MAML1: variants seen among roughly 807,000 people sequenced by gnomAD.
MAML1 encodes the protein mastermind-like protein 1.
MAML1 carries 14 observed loss-of-function variants against 77.1 expected under a neutral mutation model. The observed-to-expected ratio is 0.18, with a 90% CI of 0.12 to 0.28. The LOEUF (loss-of-function observed/expected upper bound fraction) is 0.28, where lower values mean the gene tolerates loss of function less well. MAML1 is among the 10% of genes least tolerant of loss of function. The probability of loss-of-function intolerance (pLI) is 1.00; values close to 1 mark genes in which losing one functional copy is unlikely to be tolerated. For missense variants in MAML1, 1,217 were observed against 1,327.8 expected (o/e 0.92, Z 1.30); for synonymous variants, 516 against 551.9 (o/e 0.93, Z 0.91).
Position 179,765,448 on chromosome 5 carries a change from G to A in MAML1, c.438G>A (p.Leu146=). ...GHKKTRREAP[L]GVAISSNGLP... is the part of the protein sequence containing the mutation. ...AGAAGACTCGCCGGGAGGCCCCTCT[G>A]GGAGTTGCCATCTCTTCCAATGGAC... The change falls in exon 2 of 5, where the codon CTG becomes CTA. Residue 146 remains leucine, a synonymous_variant. Coordinates refer to ENST00000292599, the MANE Select transcript of MAML1 (RefSeq NM_014757.5). The A allele has an allele frequency of 6.2e-7, 1 of 1,614,172 alleles. No homozygotes were observed. The highest frequency in any genetic ancestry group is 1.1e-5 in the South Asian group (1 of 91,090).
intron 1 of MAML1, among the ~76,000 whole-genome samples, chr5:179,758,388 TTTTTC>T (rs150290121): frequency 2.0e-5 from 3 of 148,400 alleles, no homozygotes; most frequent in African/African-American, 4.9e-5. Context: ...TTTTTTTTTC[TTTTTC>T]TTTTCTTTTT....
rs947596226 is a variant in MAML1, at chr5:179,771,980, A to G, written c.2068+737A>G. Among the ~76,000 whole-genome samples the G allele has an allele frequency of 1.3e-5, 2 of 152,228 alleles. No homozygotes were observed. The highest frequency in any genetic ancestry group is 4.8e-5 in the African/African-American group (2 of 41,456). ...TTTATGTATGTGCTACCTGGGGTCA[A>G]CGTGGGGTTGAAATCTGCAGGCATT... On this transcript the variant is annotated intron_variant, in intron 4 of 4. Transcript: ENST00000292599. The surrounding 1 kb of genome is among the most constrained non-coding windows in gnomAD (Gnocchi z 4.7).
At chr5:179,753,222 TGCGC>T (rs1171083663) in intron 1 of MAML1, among the ~76,000 whole-genome samples, 17 of 31,484 alleles carry the variant, frequency 5.4e-4, no homozygotes, top group South Asian at 3.7e-3. Flanking sequence ...TGTGTGTGTG[TGCGC>T]GCGCGCGCGC....
At chr5:179,763,935 G>A (rs976787986) in intron 1 of MAML1, among the ~76,000 whole-genome samples, 13 of 152,238 alleles carry the variant, frequency 8.5e-5, no homozygotes, top group Non-Finnish European at 1.3e-4. Context: ...GGACAAAAAC[G>A]TAATAAAGTA....
chr5:179,737,811 C>G (rs1156309678), intron 1 of MAML1, among the ~76,000 whole-genome samples: 1 of 152,158 alleles, frequency 6.6e-6, no homozygotes, highest in African/African-American at 2.4e-5. Context: ...GTTTTCATTT[C>G]TTTTCCTTTT....
chr5:179,758,912 A>G (rs758561297), intron 1 of MAML1, among the ~76,000 whole-genome samples: 4 of 151,992 alleles, frequency 2.6e-5, no homozygotes, highest in East Asian at 1.9e-4. Context: ...CTGAGGCAGG[A>G]GAATAGCTTG....
rs748087606 is a variant in MAML1, at chr5:179,766,080, A to G, written c.1070A>G (p.Asp357Gly). ...CACACCTCTGGTCAGCCCCGGGCGG[A>G]CAATCCCAGTCCAAACCTGATGCCG... The part of the protein sequence containing the change: ...LFHTSGQPRA[D>G]NPSPNLMPAS... The change falls in exon 2 of 5, where the codon GAC (aspartate) becomes GGC (glycine). Residue 357 changes from aspartate to glycine, a missense_variant. Transcript: ENST00000292599. This position sits in a 1 kb window ranked among gnomAD's most constrained non-coding sequence, Gnocchi z 4.0. The G allele has an allele frequency of 3.8e-6, 6 of 1,583,484 alleles. 1 individual carries two copies. The South Asian group carries it at 5.8e-5, about 15-fold the overall frequency.
At position 179,775,933 on chromosome 5, in the gene MAML1, T is replaced by C. The variant is rs756044829; in HGVS notation, c.*1056T>C. 1.0e-6 allele frequency: 1 copy of C among 985,732 alleles called. No homozygotes were observed. The highest frequency in any genetic ancestry group is 1.2e-6 in the Non-Finnish European group (1 of 829,938). The allele number at this position is 985,732 out of a possible 1,614,324, so 61.1% of individuals were successfully genotyped here. A position where few individuals can be genotyped will look rare whatever the true frequency, so the allele number is the denominator to read the frequency against. Reference sequence around the variant, plus strand: ...ATAAAGGTTTTGGGGAAGGAGGCCGTAGGCCGGCCCGGAGGAAGCAATTCC... The same window carrying C: ...ATAAAGGTTTTGGGGAAGGAGGCCGCAGGCCGGCCCGGAGGAAGCAATTCC... On this transcript the variant is annotated 3_prime_UTR_variant, in exon 5 of 5. Coordinates refer to ENST00000292599, the MANE Select transcript of MAML1 (RefSeq NM_014757.5).
Position 179,771,367 on chromosome 5 carries a change from C to T in MAML1, c.2068+124C>T. On this transcript the variant is annotated intron_variant, in intron 4 of 4. Transcript: ENST00000292599. The surrounding 1 kb of genome is among the most constrained non-coding windows in gnomAD (Gnocchi z 4.7). Reference sequence around the variant, plus strand: ...AGGCTGCATGCATTGTCATCATATACACCTCAGTTTGCCTAAGGGGCCTGG... The same window carrying T: ...AGGCTGCATGCATTGTCATCATATATACCTCAGTTTGCCTAAGGGGCCTGG... The T allele has an allele frequency of 1.2e-6, 1 of 803,178 alleles. No homozygotes were observed. Among genetic ancestry groups the T allele is most frequent in the South Asian group, 1.6e-5 (1 of 61,636 alleles). The allele number at this position is 803,178 out of a possible 1,614,324, so 49.8% of individuals were successfully genotyped here. A position where few individuals can be genotyped will look rare whatever the true frequency, so the allele number is the denominator to read the frequency against.
intron 1 of MAML1, among the ~76,000 whole-genome samples, chr5:179,735,919 C>G (rs1444592512): frequency 1.3e-5 from 2 of 151,938 alleles, no homozygotes; most frequent in African/African-American, 2.4e-5. Context: ...AACCCCTGAC[C>G]TCGTGATCCA....
At chr5:179,743,730 C>T (rs1173414728) in intron 1 of MAML1, among the ~76,000 whole-genome samples, 2 of 152,108 alleles carry the variant, frequency 1.3e-5, no homozygotes, top group African/African-American at 4.8e-5. Context: ...CTTATGAAAA[C>T]TTATAATGCA....
intron 4 of MAML1, 63 bp from the exon 5 acceptor site, chr5:179,773,832 C>T (rs1291996417): frequency 7.1e-6 from 11 of 1,539,494 alleles, no homozygotes; most frequent in Admixed American, 1.9e-5. Flanking sequence ...TGCTGCGGCT[C>T]GAGTCTCAGA....
chr5:179,734,676 G>C (rs1391973592), intron 1 of MAML1, among the ~76,000 whole-genome samples: 2 of 152,040 alleles, frequency 1.3e-5, no homozygotes, highest in East Asian at 1.9e-4. Context: ...CTGTCGCCCA[G>C]GCTGGAGTGC....
At chr5:179,740,866 AT>A (rs1346620958) in intron 1 of MAML1, among the ~76,000 whole-genome samples, 16 of 152,264 alleles carry the variant, frequency 1.1e-4, no homozygotes, top group African/African-American at 3.9e-4. Context: ...CACTTTAAAA[AT>A]ATTAGTGTTC....
chr5:179,759,945 G>A (rs1390781081), intron 1 of MAML1, among the ~76,000 whole-genome samples: 2 of 152,226 alleles, frequency 1.3e-5, no homozygotes, highest in Non-Finnish European at 2.9e-5. Context: ...GGTACCAGTT[G>A]TATGTAGGGA....
intron 2 of MAML1, among the ~76,000 whole-genome samples, chr5:179,768,150 C>T (rs1356160978): frequency 2.0e-5 from 3 of 152,336 alleles, no homozygotes; most frequent in South Asian, 2.1e-4. Context: ...TTGACCAAAG[C>T]CCCCTTCAAA....
intron 1 of MAML1, among the ~76,000 whole-genome samples, chr5:179,763,747 GGA>G (rs1217080555): frequency 1.3e-5 from 2 of 152,130 alleles, no homozygotes; most frequent in Admixed American, 1.3e-4. Context: ...GGGTTGGTGT[GGA>G]GAGTCAGGTG....
Position 179,776,253 on chromosome 5 carries a change from T to C in MAML1, c.*1376T>C. The C allele has an allele frequency of 1.0e-6, 1 of 985,902 alleles. No homozygotes were observed. Among genetic ancestry groups the C allele is most frequent in the South Asian group, 4.7e-5 (1 of 21,292 alleles). 61.1% of individuals were successfully genotyped at this position (985,902 alleles called of 1,614,324 possible). Reference sequence around the variant, plus strand: ...GATGCAGAGTGTTCTGTGGAGAAACTGCAGCCCCACTTCTGTTTCCCTGGA... The same window carrying C: ...GATGCAGAGTGTTCTGTGGAGAAACCGCAGCCCCACTTCTGTTTCCCTGGA... On this transcript the variant is annotated 3_prime_UTR_variant, in exon 5 of 5. Transcript: ENST00000292599.
rs1226049118 is a variant in MAML1, at chr5:179,775,111, T to C, written c.*234T>C. On this transcript the variant is annotated 3_prime_UTR_variant, in exon 5 of 5. Coordinates refer to ENST00000292599, the MANE Select transcript of MAML1 (RefSeq NM_014757.5). The stretch of plus-strand genomic sequence containing the variant: ...CATCTGCTGGCATCAGTACCTGGTG[T>C]TGGGACAGCAGGATAGGGTTCTAAA... The C allele has an allele frequency of 6.0e-6, 8 of 1,323,342 alleles. No individual in the cohort carries two copies. The highest frequency in any genetic ancestry group is 2.1e-5 in the South Asian group (1 of 48,582). The allele number at this position is 1,323,342 out of a possible 1,614,324, so 82.0% of individuals were successfully genotyped here. A position where few individuals can be genotyped will look rare whatever the true frequency, so the allele number is the denominator to read the frequency against.
Sources: gnomAD v4.1 joint callset for allele counts (sites outside exome capture counted in the v4.1 genomes callset) on GRCh38, gnomAD v4.1.1 for gene constraint, Gnocchi (gnomAD v3.1) non-coding constraint, MANE v1.5 for transcripts, NCBI Gene and HGNC (gene_info 2026-07-23, HGNC 2026-07-21) for gene names.